Variants in ETV6 observed in about 807,000 individuals in gnomAD.
ETV6 encodes transcription factor ETV6.
Under a neutral mutation model 51.1 loss-of-function variants are expected in ETV6, and 16 were observed. The ratio of observed to expected loss-of-function variants is 0.31; its 90% CI spans 0.21 to 0.48. The LOEUF (loss-of-function observed/expected upper bound fraction) is 0.48. Ranked by LOEUF, ETV6 falls within the 20% of genes least tolerant of loss-of-function variation. The probability of loss-of-function intolerance (pLI) is 0.99; values close to 1 mark genes in which losing one functional copy is unlikely to be tolerated. For synonymous variants in ETV6, 240 were observed against 224.1 expected (o/e 1.07, Z -0.64); for missense variants, 458 against 594.8 (o/e 0.77, Z 2.39).
At chr12:11,727,966 C>G (rs146302139) in intron 1 of ETV6, among the ~76,000 whole-genome samples, 2 of 152,090 alleles carry the variant, frequency 1.3e-5, no homozygotes, top group African/African-American at 4.8e-5. Flanking sequence ...ATTACAGACA[C>G]GCGCCACCAC....
intron 1 of ETV6, among the ~76,000 whole-genome samples, chr12:11,704,775 TTGTG>T (rs58321366): frequency 8.6e-4 from 128 of 149,088 alleles, no homozygotes; most frequent in South Asian, 6.3e-3. Flanking sequence ...TCACAGGGGT[TTGTG>T]TGTGTGTGTG....
chr12:11,762,923 AAT>A (rs1350361434), intron 2 of ETV6, among the ~76,000 whole-genome samples: 7 of 152,150 alleles, frequency 4.6e-5, no homozygotes, highest in Admixed American at 1.3e-4. Flanking sequence ...TAGAGAAACA[AAT>A]ATGAGTAAGT....
intron 2 of ETV6, among the ~76,000 whole-genome samples, chr12:11,789,880 T>G (rs1945555019): frequency 6.6e-6 from 1 of 152,198 alleles, no homozygotes; most frequent in South Asian, 2.1e-4. Context: ...TTCTGCAGTT[T>G]TACAGTAATG....
intron 1 of ETV6, among the ~76,000 whole-genome samples, chr12:11,657,729 G>A (rs1864027382): frequency 6.6e-6 from 1 of 152,210 alleles, no homozygotes; most frequent in South Asian, 2.1e-4. Flanking sequence ...AGGACGCATT[G>A]CCCTGCTGAG....
At chr12:11,774,903 GC>G (rs1444118952) in intron 2 of ETV6, among the ~76,000 whole-genome samples, 6 of 152,204 alleles carry the variant, frequency 3.9e-5, no homozygotes, top group South Asian at 2.1e-4. Flanking sequence ...AGGGACCGTA[GC>G]CCCGGGGTCA....
At position 11,725,323 on chromosome 12, in the gene ETV6, G is replaced by A. The variant is rs116615553; in HGVS notation, c.34-27127G>A. ...TCAAAATGAGAGAAAAGACACTGAC[G>A]AGGACTTGGCAGCCCCGAGCTTTTC... On this transcript the variant is annotated intron_variant, in intron 1 of 7. Transcript: ENST00000396373. 8.5e-3 allele frequency among the ~76,000 whole-genome samples: 1,293 copies of A among 152,168 alleles called. 22 individuals are homozygous for A. The highest frequency in any genetic ancestry group is 0.029 in the African/African-American group (1,202 of 41,500).
intron 6 of ETV6, 73 bp downstream of exon 6, chr12:11,884,660 A>ATCGTCTGTCTTCTGCTTTTTAC: frequency 6.3e-7 from 1 of 1,576,866 alleles, no homozygotes. Context: ...TTGGAGGATA[A>ATCGTCTGTCTTCTGCTTTTTAC]TCGTCTGTCT....
At chr12:11,659,806 AG>A (rs1370305317) in intron 1 of ETV6, among the ~76,000 whole-genome samples, 1 of 152,114 alleles carries the variant, frequency 6.6e-6, no homozygotes, top group African/African-American at 2.4e-5. Flanking sequence ...GGGTTGTGGC[AG>A]GGGAAGTTCT....
intron 2 of ETV6, among the ~76,000 whole-genome samples, chr12:11,784,596 G>A (rs1369486074): frequency 2.0e-5 from 3 of 152,182 alleles, no homozygotes; most frequent in Non-Finnish European, 2.9e-5. Flanking sequence ...AAAGGAACGC[G>A]AGGAAGCAAA....
chr12:11,672,249 G>A (rs991342371), intron 1 of ETV6, among the ~76,000 whole-genome samples: 1 of 151,918 alleles, frequency 6.6e-6, no homozygotes, highest in African/African-American at 2.4e-5. Flanking sequence ...AAATCGAATC[G>A]CCTCTGAGAT....
intron 2 of ETV6, among the ~76,000 whole-genome samples, chr12:11,758,504 C>G (rs1390607978): frequency 1.3e-5 from 2 of 152,160 alleles, no homozygotes; most frequent in Non-Finnish European, 2.9e-5. Context: ...TGGAAATAAG[C>G]TTTGCTTTCA....
At chr12:11,734,482 C>T (rs1387024990) in intron 1 of ETV6, among the ~76,000 whole-genome samples, 7 of 147,224 alleles carry the variant, frequency 4.8e-5, no homozygotes, top group Non-Finnish European at 1.0e-4. Context: ...TGGTGCTCAC[C>T]TGTGGTCCCA....
chr12:11,888,722 A>T (rs1947243411), intron 7 of ETV6, among the ~76,000 whole-genome samples: 1 of 151,990 alleles, frequency 6.6e-6, no homozygotes, highest in Non-Finnish European at 1.5e-5. Flanking sequence ...GTTTTTCTAG[A>T]GACAGGGTCT....
chr12:11,884,269 A>C (rs577414029), intron 5 of ETV6, among the ~76,000 whole-genome samples, 176 bp from the exon 6 acceptor site: 5 of 152,140 alleles, frequency 3.3e-5, no homozygotes, highest in South Asian at 2.1e-4. Flanking sequence ...ACACAACAGG[A>C]CCTCCCTCCA....
chr12:11,727,286 G>A (rs2120956397), intron 1 of ETV6, among the ~76,000 whole-genome samples: 1 of 152,350 alleles, frequency 6.6e-6, no homozygotes, highest in East Asian at 1.9e-4. Context: ...ACGCAGACAT[G>A]CCCGGCATCC....
At chr12:11,839,048 G>T (rs1212300289) in intron 2 of ETV6, 92 bp from the exon 3 acceptor site, 1 of 1,340,262 alleles carries the variant, frequency 7.5e-7, no homozygotes, top group Non-Finnish European at 1.0e-6. Context: ...GACTCATTTT[G>T]TTAACTATTC....
chr12:11,856,759 T>C (rs1946638272), intron 4 of ETV6, among the ~76,000 whole-genome samples: 1 of 152,068 alleles, frequency 6.6e-6, no homozygotes, highest in African/African-American at 2.4e-5. Context: ...CATTTAATTA[T>C]GAAGGATAAC....
At chr12:11,653,821 A>AT (rs199763214) in intron 1 of ETV6, among the ~76,000 whole-genome samples, 2,886 of 151,462 alleles carry the variant, frequency 0.019, 87 homozygotes, top group African/African-American at 0.065. Context: ...ATGTTTTATA[A>AT]TTTTTTTTTG....
At chr12:11,762,117 T>A (rs1486031437) in intron 2 of ETV6, among the ~76,000 whole-genome samples, 1 of 152,188 alleles carries the variant, frequency 6.6e-6, no homozygotes, top group Non-Finnish European at 1.5e-5. Context: ...GTTAATGCTT[T>A]TGTGGGATGA....
Sources: allele counts gnomAD v4.1 joint callset (sites outside exome capture counted in the v4.1 genomes callset), GRCh38; gene constraint gnomAD v4.1.1; transcripts MANE v1.5; gene names NCBI Gene and HGNC (gene_info 2026-07-23, HGNC 2026-07-21).